Variants in EP400 observed in about 807,000 individuals in gnomAD.
EP400 encodes the protein E1A binding protein p400, also known as E1A-binding protein p400.
EP400 carries 105 observed loss-of-function variants against 354.1 expected under a neutral mutation model. The ratio of observed to expected loss-of-function variants is 0.30; its 90% CI spans 0.25 to 0.35. The LOEUF (loss-of-function observed/expected upper bound fraction) is 0.35, where lower values mean the gene tolerates loss of function less well. Among genes scored for constraint, EP400 ranks in the 10% least tolerant of loss-of-function variants. The pLI is 1.00. For missense variants in EP400, 3,280 were observed against 4,121.0 expected (o/e 0.80, Z 5.59); for synonymous variants, 1,646 against 1,716.9 (o/e 0.96, Z 1.02).
intron 32 of EP400, among the ~76,000 whole-genome samples, chr12:132,041,398 G>C (rs144815784): frequency 6.6e-6 from 1 of 152,366 alleles, no homozygotes; most frequent in East Asian, 1.9e-4. Context: ...TCCTCAGAAG[G>C]CCTGTCCCCC....
chr12:131,966,921 A>C (rs1435939415), intron 2 of EP400, among the ~76,000 whole-genome samples: 1 of 150,232 alleles, frequency 6.7e-6, no homozygotes, highest in Non-Finnish European at 1.5e-5. Context: ...AAAAAAAAAA[A>C]AAAACCTATG....
Position 131,957,618 on chromosome 12 carries a change from A to G in EP400, c.-35-2967A>G, listed in dbSNP as rs182109269. On this transcript the variant is annotated intron_variant, in intron 1 of 52. Transcript: ENST00000389561. ...TTATTTATTTATTTGCTTGTTTGAG[A>G]CAGTTTTGGTTTTGTTGCCCAGGCT... 7.3e-3 allele frequency among the ~76,000 whole-genome samples: 1,081 copies of G among 147,950 alleles called. 35 individuals carry two copies. In the South Asian group the frequency reaches 0.095, roughly 13 times the overall value.
chr12:132,074,720 A>G (rs1339108397), intron 51 of EP400, among the ~76,000 whole-genome samples: 2 of 151,590 alleles, frequency 1.3e-5, no homozygotes, highest in Admixed American at 1.3e-4. Flanking sequence ...CTCCTCAGTC[A>G]CTCATTTTTC....
rs1269074576 is a variant in EP400 at position 132,018,601 on chromosome 12, T to C, written c.4277+225T>C. Among the ~76,000 whole-genome samples the C allele has an allele frequency of 6.6e-6, 1 of 152,220 alleles. No individual in the cohort carries two copies. The highest frequency in any genetic ancestry group is 2.4e-5 in the African/African-American group (1 of 41,456). On this transcript the variant is annotated intron_variant, in intron 21 of 52. Coordinates refer to ENST00000389561, the MANE Select transcript of EP400 (RefSeq NM_015409.5). This position sits in a 1 kb window ranked among gnomAD's most constrained non-coding sequence, Gnocchi z 4.0. ...CCTCCCTGAGCAGCAACCTCCTTGA[T>C]CGTCTTTGCAGCAGTTTTAGGGTAG... is the stretch of plus-strand genomic sequence containing the variant.
intron 5 of EP400, among the ~76,000 whole-genome samples, chr12:131,982,788 G>C (rs1462935575): frequency 6.6e-6 from 1 of 152,028 alleles, no homozygotes; most frequent in African/African-American, 2.4e-5. Flanking sequence ...TGGCCAACAT[G>C]GCGAAACCCT....
At position 131,990,775 on chromosome 12, in the gene EP400, TC is replaced by T. The variant is rs1893007260; in HGVS notation, c.2629+62del. ...GTGGTATTTTGTTCGGATTCTTTTC[TC>T]AGCAGGCAGTCTCCTGGCGCTGTGG... On this transcript the variant is annotated intron_variant, in intron 9 of 52. Coordinates refer to ENST00000389561, the MANE Select transcript of EP400 (RefSeq NM_015409.5). This position sits in a 1 kb window ranked among gnomAD's most constrained non-coding sequence, Gnocchi z 4.2. 1.5e-6 allele frequency: 2 copies of T among 1,299,304 alleles called. No individual in the cohort carries two copies. The highest frequency in any genetic ancestry group is 4.0e-5 in the Admixed American group (2 of 50,350). The allele number at this position is 1,299,304 out of a possible 1,614,324, so 80.5% of individuals were successfully genotyped here. A position where few individuals can be genotyped will look rare whatever the true frequency, so the allele number is the denominator to read the frequency against.
Position 131,986,688 on chromosome 12 carries a change from G to A in EP400, c.2104G>A (p.Val702Ile). Residue 702 changes from valine (V) to isoleucine (I), a missense_variant, in exon 6 of 53, where the codon GTC (valine) becomes ATC (isoleucine). Physicochemically the swap from Val to Ile is conservative, Grantham distance 29. Transcript: ENST00000389561. ...SSATNKALSPVTSRTPGVVAS... is the reference protein window; with the variant it reads ...SSATNKALSPITSRTPGVVAS... Reference sequence around the variant, plus strand: ...AGCCACCAATAAGGCACTATCTCCAGTCACTTCCCGGACCCCAGGGGTGGT... The same window carrying A: ...AGCCACCAATAAGGCACTATCTCCAATCACTTCCCGGACCCCAGGGGTGGT... 6.2e-7 allele frequency: 1 copy of A among 1,614,128 alleles called. No individual in the cohort carries two copies. The highest frequency in any genetic ancestry group is 8.5e-7 in the Non-Finnish European group (1 of 1,180,028).
intron 30 of EP400, among the ~76,000 whole-genome samples, chr12:132,032,539 A>AT (rs965559034): frequency 6.9e-6 from 1 of 144,242 alleles, no homozygotes. Context: ...GGTTGTTTTA[A>AT]TTATGAACTA....
intron 12 of EP400, among the ~76,000 whole-genome samples, chr12:132,000,449 TTC>T (rs1893368903): frequency 6.6e-6 from 1 of 152,232 alleles, no homozygotes; most frequent in African/African-American, 2.4e-5. Flanking sequence ...TATGGTACAA[TTC>T]TCTCTCTCAG....
intron 45 of EP400, among the ~76,000 whole-genome samples, chr12:132,059,550 C>T (rs921586918): frequency 6.6e-6 from 1 of 152,202 alleles, no homozygotes; most frequent in Non-Finnish European, 1.5e-5. Flanking sequence ...TTCTTGACTT[C>T]TGAGAATCTC....
intron 30 of EP400, among the ~76,000 whole-genome samples, chr12:132,037,381 C>T (rs1409044356): frequency 6.6e-6 from 1 of 152,104 alleles, no homozygotes; most frequent in Non-Finnish European, 1.5e-5. Context: ...TCTGGAAGGA[C>T]CAGGTGGGAC....
Position 131,990,017 on chromosome 12 carries a change from G to C in EP400, c.2463G>C (p.Arg821Ser). Residue 821 changes from arginine to serine, a missense_variant, in exon 8 of 53, where the codon AGG becomes AGC. By Grantham distance (110) the Arg-to-Ser change is moderately radical. Around this residue, in one of 20 missense-constraint regions of EP400, gnomAD observed 800 missense variants for 840.0 expected, o/e 0.95. Transcript: ENST00000389561. The surrounding 1 kb of genome is among the most constrained non-coding windows in gnomAD (Gnocchi z 4.2). ...AGGAGAAGCAGCTCCGTGAAGAAAG[G>C]GGGAAGAAGGAAGAGCAGAGCAGAC... is the stretch of plus-strand genomic sequence containing the variant. ...HHEEKQLREE[R>S]GKKEEQSRLR... 1 of 1,613,748 alleles carries C rather than the reference G, an allele frequency of 6.2e-7. No individual in the cohort carries two copies.
chr12:132,066,679 A>AT lies in EP400; in HGVS notation c.8554-91dup. Reference sequence around the variant, plus strand: ...CTTTAAACTTTGTTGATCTTTGTAAATTTTCTCATGGCATGACCTCTTGTG... The same window carrying AT: ...CTTTAAACTTTGTTGATCTTTGTAAATTTTTCTCATGGCATGACCTCTTGTG... On this transcript the variant is annotated intron_variant, in intron 48 of 52. Coordinates refer to ENST00000389561, the MANE Select transcript of EP400 (RefSeq NM_015409.5). The AT allele has an allele frequency of 1.7e-5, 22 of 1,319,640 alleles. No homozygotes were observed. In the South Asian group the frequency reaches 2.9e-4, roughly 17 times the overall value. The allele number at this position is 1,319,640 out of a possible 1,614,324, so 81.7% of individuals were successfully genotyped here.
In EP400 at chr12:132,064,687, A is replaced by G. The variant is rs1341717280; in HGVS notation, c.8354A>G (p.Gln2785Arg). 6.2e-7 allele frequency: 1 copy of G among 1,612,606 alleles called. No homozygotes were observed. Among genetic ancestry groups the G allele is most frequent in the Non-Finnish European group, 8.5e-7 (1 of 1,178,902 alleles). ...KLTPEHLIKMQKQKLQMPPQP... is the reference protein window; with the variant it reads ...KLTPEHLIKMRKQKLQMPPQP... Reference sequence around the variant, plus strand: ...TTTTAGGAACACCTCATCAAAATGCAGAAGCAGAAACTGCAGATGCCCCCG... The same window carrying G: ...TTTTAGGAACACCTCATCAAAATGCGGAAGCAGAAACTGCAGATGCCCCCG... Residue 2785 changes from glutamine (Q) to arginine (R), a missense_variant, in exon 48 of 53, where the codon CAG becomes CGG. By Grantham distance (43) the Gln-to-Arg change is conservative (BLOSUM62 1). Coordinates refer to ENST00000389561, the MANE Select transcript of EP400 (RefSeq NM_015409.5).
intron 2 of EP400, chr12:131,963,734 A>T (rs1024754160): frequency 2.1e-6 from 2 of 970,078 alleles, no homozygotes; most frequent in African/African-American, 1.6e-5. Flanking sequence ...GCTCTTCAGC[A>T]TTTTTTTTCC....
At chr12:132,069,402 G>T in intron 50 of EP400, 93 bp from the exon 51 acceptor site, 1 of 1,536,060 alleles carries the variant, frequency 6.5e-7, no homozygotes, top group East Asian at 2.3e-5. Context: ...GAAAGGGGCT[G>T]GGTTCTGCCA....
intron 2 of EP400, among the ~76,000 whole-genome samples, chr12:131,977,794 T>A (rs566048879): frequency 4.6e-4 from 70 of 152,288 alleles, no homozygotes; most frequent in Middle Eastern, 6.8e-3. Context: ...TGTGGCTGAT[T>A]TTTCCTTTTA....
At position 132,017,808 on chromosome 12, in the gene EP400, T is replaced by G. The variant is rs1387987428; in HGVS notation, c.4110+87T>G. 1.3e-5 allele frequency: 18 copies of G among 1,375,194 alleles called. No homozygotes were observed. Among genetic ancestry groups the G allele is most frequent in the Non-Finnish European group, 1.7e-5 (18 of 1,035,452 alleles). 85.2% of individuals were successfully genotyped at this position (1,375,194 alleles called of 1,614,324 possible). On this transcript the variant is annotated intron_variant, in intron 20 of 52. Transcript: ENST00000389561. This position sits in a 1 kb window ranked among gnomAD's most constrained non-coding sequence, Gnocchi z 5.0. The stretch of plus-strand genomic sequence containing the variant: ...TAAAACCATTCTTGGAAATGGGTTC[T>G]CAACCAGCTCTTCTGCAATTGCAAT...
At chr12:131,988,928 C>T (rs576204296) in intron 7 of EP400, among the ~76,000 whole-genome samples, 3 of 152,322 alleles carry the variant, frequency 2.0e-5, no homozygotes, top group African/African-American at 7.2e-5. Context: ...GCTGAGACCA[C>T]AGGGTGAGAA....
Sources: allele counts gnomAD v4.1 joint callset (sites outside exome capture counted in the v4.1 genomes callset), GRCh38; gene constraint gnomAD v4.1.1; regional missense constraint gnomAD v4.1.1; non-coding constraint Gnocchi (gnomAD v3.1); transcripts MANE v1.5; gene names NCBI Gene and HGNC (gene_info 2026-07-23, HGNC 2026-07-21).